DOCK3: variants seen among roughly 807,000 people sequenced by gnomAD.
DOCK3 encodes dedicator of cytokinesis 3, also known as dedicator of cytokinesis protein 3.
Under a neutral mutation model 265.6 loss-of-function variants are expected in DOCK3, and 60 were observed. The observed-to-expected ratio is 0.23, with a 90% CI of 0.18 to 0.28. The LOEUF is 0.28. Among genes scored for constraint, DOCK3 ranks in the 10% least tolerant of loss-of-function variants. The pLI, the probability that DOCK3 is intolerant of heterozygous loss-of-function variation, is 1.00. For synonymous variants in DOCK3, 881 were observed against 938.0 expected (o/e 0.94, Z 1.11); for missense variants, 1,981 against 2,594.3 (o/e 0.76, Z 5.14).
At chr3:51,309,904 A>G (rs2082964128) in intron 27 of DOCK3, among the ~76,000 whole-genome samples, 3 of 152,214 alleles carry the variant, frequency 2.0e-5, no homozygotes, top group Admixed American at 2.0e-4. Flanking sequence ...AAGCCCATGG[A>G]CTCAGTCGGA....
At chr3:50,900,979 A>T in intron 4 of DOCK3, 1 of 414,752 alleles carries the variant, frequency 2.4e-6, no homozygotes, top group Non-Finnish European at 4.7e-6. Flanking sequence ...GAAGCAGTCT[A>T]TCCCTTAGCA....
chr3:51,249,074 G>A (rs1178958406), intron 22 of DOCK3, among the ~76,000 whole-genome samples: 14 of 150,762 alleles, frequency 9.3e-5, no homozygotes, highest in African/African-American at 1.7e-4. Flanking sequence ...GTCTCCGCCC[G>A]GCAGCCACCC....
intron 5 of DOCK3, among the ~76,000 whole-genome samples, chr3:51,001,070 G>A (rs911754488): frequency 2.0e-5 from 3 of 152,188 alleles, no homozygotes; most frequent in Admixed American, 6.5e-5. Context: ...GGATTGCTCC[G>A]AATTTTGATC....
At chr3:50,944,128 C>T (rs1298128723) in intron 5 of DOCK3, among the ~76,000 whole-genome samples, 2 of 152,102 alleles carry the variant, frequency 1.3e-5, no homozygotes, top group African/African-American at 4.8e-5. Flanking sequence ...AATAAATGGA[C>T]ACAATGAAAT....
At chr3:50,991,187 A>G (rs1168702737) in intron 5 of DOCK3, among the ~76,000 whole-genome samples, 1 of 152,144 alleles carries the variant, frequency 6.6e-6, no homozygotes, top group African/African-American at 2.4e-5. Flanking sequence ...AGGAGCACAC[A>G]AACAAGCCAA....
intron 12 of DOCK3, among the ~76,000 whole-genome samples, chr3:51,164,012 C>T (rs2086259209): frequency 1.3e-5 from 2 of 152,090 alleles, no homozygotes; most frequent in Non-Finnish European, 2.9e-5. Context: ...ATTTTTACTC[C>T]CACCAGATTG....
rs554846929 is a variant in DOCK3 at position 50,965,238 on chromosome 3, C to T, written c.315+31161C>T. On this transcript the variant is annotated intron_variant, in intron 5 of 52. Transcript: ENST00000266037. Reference sequence around the variant, plus strand: ...AATTCATGAGTCAAAAAAGAAATGACGATGAATTTGACTAGAATAAAAATG... The same window carrying T: ...AATTCATGAGTCAAAAAAGAAATGATGATGAATTTGACTAGAATAAAAATG... Among the ~76,000 whole-genome samples, 35 of 151,992 alleles carry T rather than the reference C, an allele frequency of 2.3e-4. No individual in the cohort carries two copies. The South Asian group carries it at 5.4e-3, about 23-fold the overall frequency.
intron 4 of DOCK3, among the ~76,000 whole-genome samples, chr3:50,906,158 G>A (rs562612443): frequency 3.9e-5 from 6 of 152,042 alleles, no homozygotes; most frequent in South Asian, 2.1e-4. Flanking sequence ...TGCTGGATTC[G>A]GTTTGCCAGT....
intron 33 of DOCK3, 69 bp from the exon 34 acceptor site, chr3:51,332,932 A>C: frequency 6.2e-7 from 1 of 1,601,032 alleles, no homozygotes; most frequent in Non-Finnish European, 8.5e-7. Flanking sequence ...TGGAAATAGA[A>C]GATGTGTTTT....
chr3:50,719,696 A>C, intron 1 of DOCK3: 1 of 1,501,456 alleles, frequency 6.7e-7, no homozygotes, highest in Non-Finnish European at 9.3e-7. Flanking sequence ...AGATGCCGGG[A>C]CTTGTATGCT....
intron 3 of DOCK3, among the ~76,000 whole-genome samples, chr3:50,858,334 G>A (rs1161572102): frequency 6.6e-6 from 1 of 151,828 alleles, no homozygotes; most frequent in Non-Finnish European, 1.5e-5. Flanking sequence ...TGTAAATGAC[G>A]AGTTGATGGG....
At chr3:51,291,165 G>A (rs2109152081) in intron 27 of DOCK3, among the ~76,000 whole-genome samples, 1 of 152,174 alleles carries the variant, frequency 6.6e-6, no homozygotes, top group Non-Finnish European at 1.5e-5. Context: ...GCTCTGGGAG[G>A]GAAGTTTATA....
At chr3:50,696,202 T>C (rs1357323292) in intron 1 of DOCK3, among the ~76,000 whole-genome samples, 1 of 152,194 alleles carries the variant, frequency 6.6e-6, no homozygotes, top group Non-Finnish European at 1.5e-5. Flanking sequence ...CATGATGGAA[T>C]AGGAAAGAGC....
intron 5 of DOCK3, among the ~76,000 whole-genome samples, chr3:50,998,222 C>A (rs1205746246): frequency 6.6e-6 from 1 of 152,146 alleles, no homozygotes; most frequent in East Asian, 1.9e-4. Context: ...GTTTTCCTAG[C>A]CCTCATCCCT....
At chr3:51,215,900 T>G (rs1001863181) in intron 14 of DOCK3, among the ~76,000 whole-genome samples, 2 of 151,898 alleles carry the variant, frequency 1.3e-5, no homozygotes, top group African/African-American at 2.4e-5. Context: ...ACTTCTACCA[T>G]CCTGTCATGA....
chr3:50,757,849 C>T (rs2040262035), intron 1 of DOCK3, among the ~76,000 whole-genome samples: 1 of 151,926 alleles, frequency 6.6e-6, no homozygotes, highest in Non-Finnish European at 1.5e-5. Flanking sequence ...ATGATTCTTT[C>T]TCCTGTTGAA....
At chr3:51,137,205 A>G (rs1195755123) in intron 9 of DOCK3, among the ~76,000 whole-genome samples, 1 of 152,214 alleles carries the variant, frequency 6.6e-6, no homozygotes, top group Non-Finnish European at 1.5e-5. Context: ...TCTAAATTGG[A>G]AAATGAATCT....
At chr3:51,118,668 A>G (rs1205261991) in intron 9 of DOCK3, among the ~76,000 whole-genome samples, 1 of 152,088 alleles carries the variant, frequency 6.6e-6, no homozygotes, top group African/African-American at 2.4e-5. Flanking sequence ...TATATTTAGG[A>G]TAGTTACCTC....
chr3:51,133,758 A>T (rs1243264401), intron 9 of DOCK3, among the ~76,000 whole-genome samples: 1 of 152,120 alleles, frequency 6.6e-6, no homozygotes, highest in Non-Finnish European at 1.5e-5. Context: ...AGGGTGTGGG[A>T]TAATGGTGGA....
Sources: allele counts gnomAD v4.1 joint callset (sites outside exome capture counted in the v4.1 genomes callset), GRCh38; gene constraint gnomAD v4.1.1; transcripts MANE v1.5; gene names NCBI Gene and HGNC (gene_info 2026-07-23, HGNC 2026-07-21).